The following ATF1 variants were observed in gnomAD, a reference collection of about 807,000 sequenced individuals.
ATF1 encodes the protein cyclic AMP-dependent transcription factor ATF-1.
A neutral mutation model predicts 34.7 loss-of-function variants in ATF1; 16 were observed. That is an observed-to-expected ratio of 0.46 (90% CI 0.31 to 0.70). ATF1 has a LOEUF of 0.70. Among genes scored for constraint, ATF1 ranks in the 30% least tolerant of loss-of-function variants. The probability of loss-of-function intolerance (pLI) is 0.05; values close to 1 mark genes in which losing one functional copy is unlikely to be tolerated. For synonymous variants in ATF1, 105 were observed against 113.1 expected, an observed-to-expected ratio of 0.93 and a Z score of 0.46; for missense variants, 255 against 321.6, an observed-to-expected ratio of 0.79 and a Z score of 1.58.
In ATF1 at chr12:50,820,615, G is replaced by A. The variant is rs975969815; in HGVS notation, c.*836G>A. 2 of 177,630 alleles carry A rather than the reference G, an allele frequency of 1.1e-5. No homozygotes were observed. Among genetic ancestry groups the A allele is most frequent in the Non-Finnish European group, 2.4e-5 (2 of 82,360 alleles). 11.0% of individuals were successfully genotyped at this position (177,630 alleles called of 1,614,324 possible). A position where few individuals can be genotyped will look rare whatever the true frequency, so the allele number is the denominator to read the frequency against. ...GCTTTAATAGAATGGAATGTTTACA[G>A]GCCCTTAAAATATTATTTTTAAAAA... is the stretch of plus-strand genomic sequence containing the variant. On this transcript the variant is annotated 3_prime_UTR_variant, in exon 7 of 7. Transcript: ENST00000262053.
chr12:50,791,171 TCA>T (rs1941293432), intron 2 of ATF1, among the ~76,000 whole-genome samples: 2 of 152,190 alleles, frequency 1.3e-5, no homozygotes, highest in Non-Finnish European at 2.9e-5. Context: ...ATACAGAATT[TCA>T]TGACCCTAGG....
At position 50,820,167 on chromosome 12, in the gene ATF1, T is replaced by G. The variant is rs1393020641; in HGVS notation, c.*388T>G. On this transcript the variant is annotated 3_prime_UTR_variant, in exon 7 of 7. Transcript: ENST00000262053. ...TTGCTGAAATTTACCTTTTTTTAGT[T>G]ATATATATGTGTGTGTGTGTGTGTA... 1.3e-5 allele frequency: 3 copies of G among 224,404 alleles called. No homozygotes were observed. The highest frequency in any genetic ancestry group is 6.8e-5 in the African/African-American group (3 of 43,916). The allele number at this position is 224,404 out of a possible 1,614,324, so 13.9% of individuals were successfully genotyped here. A position where few individuals can be genotyped will look rare whatever the true frequency, so the allele number is the denominator to read the frequency against.
chr12:50,767,514 A>C (rs1013097987), intron 1 of ATF1, among the ~76,000 whole-genome samples: 1 of 152,194 alleles, frequency 6.6e-6, no homozygotes, highest in African/African-American at 2.4e-5. Flanking sequence ...GCGAGACTCC[A>C]TGTCCATCTC....
chr12:50,804,391 A>G (rs568453880), intron 3 of ATF1, among the ~76,000 whole-genome samples: 5 of 152,206 alleles, frequency 3.3e-5, no homozygotes, highest in Non-Finnish European at 7.3e-5. Flanking sequence ...TATATTTATC[A>G]AAAACTAGTA....
chr12:50,781,225 T>G (rs1036199160), intron 2 of ATF1, among the ~76,000 whole-genome samples: 6 of 152,206 alleles, frequency 3.9e-5, no homozygotes, highest in African/African-American at 1.4e-4. Context: ...TTTTCCTGTA[T>G]ACTTTAAATC....
Position 50,817,755 on chromosome 12 carries a change from A to C in ATF1, c.672-1880A>C, listed in dbSNP as rs76474797. Among the ~76,000 whole-genome samples, 1,214 of 152,340 alleles carry C rather than the reference A, an allele frequency of 8.0e-3. 14 individuals carry two copies. The highest frequency in any genetic ancestry group is 0.028 in the African/African-American group (1,161 of 41,582). ...GAATTACGAGATGTATAGGTTATAT[A>C]AAGATTTATTTCTGTAAATAAGAGA... On this transcript the variant is annotated intron_variant, in intron 6 of 6. Coordinates refer to ENST00000262053, the MANE Select transcript of ATF1 (RefSeq NM_005171.5).
chr12:50,764,516 A>T (rs992269349), intron 1 of ATF1: 1 of 152,154 alleles, frequency 6.6e-6, no homozygotes, highest in Admixed American at 6.5e-5. Context: ...GCGCCCTTCC[A>T]GTCGTGCGTC....
intron 1 of ATF1, among the ~76,000 whole-genome samples, chr12:50,767,460 C>T (rs917389501): frequency 1.3e-5 from 2 of 152,158 alleles, no homozygotes; most frequent in African/African-American, 4.8e-5. Context: ...GCGGAGGTTG[C>T]AGTGAGCCGA....
At chr12:50,777,227 A>G (rs1489940387) in intron 1 of ATF1, among the ~76,000 whole-genome samples, 1 of 152,216 alleles carries the variant, frequency 6.6e-6, no homozygotes, top group Non-Finnish European at 1.5e-5. Flanking sequence ...GATACAAAAT[A>G]TGAGGATACA....
At chr12:50,789,348 G>A (rs1329513094) in intron 2 of ATF1, among the ~76,000 whole-genome samples, 1 of 152,172 alleles carries the variant, frequency 6.6e-6, no homozygotes, top group Non-Finnish European at 1.5e-5. Context: ...ACAGGTGTGA[G>A]CCACCATGCC....
At chr12:50,792,296 T>G (rs1941322120) in intron 2 of ATF1, among the ~76,000 whole-genome samples, 1 of 152,258 alleles carries the variant, frequency 6.6e-6, no homozygotes, top group South Asian at 2.1e-4. Context: ...ATGATGCGAT[T>G]AAATATAATC....
At chr12:50,803,488 G>A (rs1941555463) in intron 3 of ATF1, among the ~76,000 whole-genome samples, 1 of 138,540 alleles carries the variant, frequency 7.2e-6, no homozygotes, top group Non-Finnish European at 1.6e-5. Flanking sequence ...ATACACTGCT[G>A]GTAAGAATGT....
In ATF1 at chr12:50,795,971, G is replaced by A; in HGVS notation, c.156G>A (p.Gln52=). The A allele has an allele frequency of 6.2e-7, 1 of 1,612,918 alleles. No individual in the cohort carries two copies. Among genetic ancestry groups the A allele is most frequent in the Non-Finnish European group, 8.5e-7 (1 of 1,179,756 alleles). ...CATCCGACAGCATAGGCTCCTCACAGAAAGCCCACGGGATCCTAGCACGGC... is the reference window on the plus strand; with the variant it reads ...CATCCGACAGCATAGGCTCCTCACAAAAAGCCCACGGGATCCTAGCACGGC... ...QDSSDSIGSS[Q]KAHGILARRP... is the part of the protein sequence containing the mutation. The change falls in exon 3 of 7, where the codon CAG becomes CAA. Residue 52 remains glutamine, a synonymous_variant. Coordinates refer to ENST00000262053, the MANE Select transcript of ATF1 (RefSeq NM_005171.5).
intron 1 of ATF1, among the ~76,000 whole-genome samples, chr12:50,777,627 C>G (rs372447186): frequency 3.0e-4 from 46 of 151,748 alleles, no homozygotes; most frequent in African/African-American, 7.7e-4. Context: ...AAGACCCCCC[C>G]CAAATTAACA....
At chr12:50,815,587 C>A (rs1407774482) in intron 6 of ATF1, among the ~76,000 whole-genome samples, 1 of 150,754 alleles carries the variant, frequency 6.6e-6, no homozygotes, top group Non-Finnish European at 1.5e-5. Flanking sequence ...TGGGGTTTTG[C>A]CATGTTGCTT....
intron 4 of ATF1, 42 bp downstream of exon 4, chr12:50,809,631 C>A: frequency 6.5e-7 from 1 of 1,546,460 alleles, no homozygotes; most frequent in Non-Finnish European, 8.8e-7. Context: ...ACACACAAAA[C>A]CTGACTTTTC....
At chr12:50,790,521 C>T (rs148542790) in intron 2 of ATF1, among the ~76,000 whole-genome samples, 103 of 152,172 alleles carry the variant, frequency 6.8e-4, no homozygotes, top group African/African-American at 2.3e-3. Flanking sequence ...TTCAATTTCT[C>T]TATGCCCATA....
intron 1 of ATF1, among the ~76,000 whole-genome samples, chr12:50,769,857 T>C (rs1940729606): frequency 6.6e-6 from 1 of 152,206 alleles, no homozygotes; most frequent in Non-Finnish European, 1.5e-5. Context: ...AGGTTTCTAA[T>C]AACTTTGGAA....
In ATF1 at chr12:50,781,747, G is replaced by A. The variant is rs1004108235; in HGVS notation, c.93+1509G>A. On this transcript the variant is annotated intron_variant, in intron 2 of 6. Coordinates refer to ENST00000262053, the MANE Select transcript of ATF1 (RefSeq NM_005171.5). Reference sequence around the variant, plus strand: ...ATTACAGGCGTGAGCCACCGTGCCCGGCCAAAAAATTTTAAAAATTAGCTG... The same window carrying A: ...ATTACAGGCGTGAGCCACCGTGCCCAGCCAAAAAATTTTAAAAATTAGCTG... Among the ~76,000 whole-genome samples the A allele has an allele frequency of 3.3e-5, 5 of 151,660 alleles. No homozygotes were observed. In the East Asian group the frequency reaches 7.7e-4, roughly 23 times the overall value.
Sources: allele counts gnomAD v4.1 joint callset (sites outside exome capture counted in the v4.1 genomes callset), GRCh38; gene constraint gnomAD v4.1.1; transcripts MANE v1.5; gene names NCBI Gene and HGNC (gene_info 2026-07-23, HGNC 2026-07-21).